The following CELF4 variants were observed in gnomAD, a reference collection of about 807,000 sequenced individuals.
CELF4 encodes CUG-BP- and ETR-3-like factor 4.
Under a neutral mutation model 59.9 loss-of-function variants are expected in CELF4, and 18 were observed. The ratio of observed to expected loss-of-function variants is 0.30; its 90% confidence interval spans 0.21 to 0.45. CELF4 has a LOEUF of 0.45. Among genes scored for constraint, CELF4 ranks in the 20% least tolerant of loss-of-function variants. The probability of loss-of-function intolerance (pLI) is 1.00; values close to 1 mark genes in which losing one functional copy is unlikely to be tolerated. For synonymous variants in CELF4, 261 were observed against 267.1 expected (o/e 0.98, Z 0.22); for missense variants, 456 against 689.0 (o/e 0.66, Z 3.79).
chr18:37,494,664 T>G (rs2154603613), intron 1 of CELF4, among the ~76,000 whole-genome samples: 1 of 152,244 alleles, frequency 6.6e-6, no homozygotes, highest in Admixed American at 6.5e-5. Context: ...CTCAGAAGCT[T>G]GAGACTGGGA....
chr18:37,453,030 C>G (rs1451255424), intron 2 of CELF4, among the ~76,000 whole-genome samples: 1 of 152,232 alleles, frequency 6.6e-6, no homozygotes, highest in Non-Finnish European at 1.5e-5. Context: ...GAGGCACCAC[C>G]CCCAGCTGCC....
chr18:37,371,837 C>A (rs1239109863), intron 2 of CELF4, among the ~76,000 whole-genome samples: 2 of 152,110 alleles, frequency 1.3e-5, no homozygotes, highest in Non-Finnish European at 2.9e-5. Flanking sequence ...ACTCAGGGGC[C>A]CAGGAAGAAC....
intron 2 of CELF4, among the ~76,000 whole-genome samples, chr18:37,361,986 G>C (rs544662053): frequency 6.4e-4 from 97 of 152,252 alleles, no homozygotes; most frequent in African/African-American, 2.2e-3. Context: ...CTGCTGGAGT[G>C]GGAAGCGGAC....
At chr18:37,535,091 C>T (rs768929602) in intron 1 of CELF4, among the ~76,000 whole-genome samples, 9 of 152,312 alleles carry the variant, frequency 5.9e-5, no homozygotes, top group Admixed American at 3.3e-4. Flanking sequence ...ACCTGGCTGC[C>T]GTGTGGCCTC....
At chr18:37,511,613 C>G (rs1392518743) in intron 1 of CELF4, among the ~76,000 whole-genome samples, 1 of 151,632 alleles carries the variant, frequency 6.6e-6, no homozygotes, top group Non-Finnish European at 1.5e-5. Context: ...GCTGTGAGCG[C>G]CAAACAGTGG....
intron 3 of CELF4, among the ~76,000 whole-genome samples, chr18:37,312,245 G>A (rs905927353): frequency 1.4e-5 from 2 of 146,904 alleles, no homozygotes; most frequent in African/African-American, 5.0e-5. Context: ...AAAAATGGCA[G>A]GGAATGTGGT....
At chr18:37,412,137 A>G (rs1261063568) in intron 2 of CELF4, among the ~76,000 whole-genome samples, 2 of 152,240 alleles carry the variant, frequency 1.3e-5, no homozygotes, top group African/African-American at 2.4e-5. Flanking sequence ...AAGTTTGCCA[A>G]AGATTCACAG....
intron 1 of CELF4, among the ~76,000 whole-genome samples, chr18:37,492,317 C>T (rs2099908552): frequency 6.6e-6 from 1 of 152,198 alleles, no homozygotes; most frequent in Non-Finnish European, 1.5e-5. Flanking sequence ...CCTGAAATCA[C>T]AGCCTGGGAG....
At chr18:37,479,506 C>T (rs1471128361) in intron 2 of CELF4, among the ~76,000 whole-genome samples, 1 of 152,172 alleles carries the variant, frequency 6.6e-6, no homozygotes, top group East Asian at 1.9e-4. Flanking sequence ...ATGTCCCCCG[C>T]AGGGCAAAAT....
At chr18:37,388,070 G>A (rs2099118410) in intron 2 of CELF4, among the ~76,000 whole-genome samples, 2 of 152,012 alleles carry the variant, frequency 1.3e-5, no homozygotes, top group Non-Finnish European at 2.9e-5. Flanking sequence ...GGAGGGGGGA[G>A]GGTACTGTAC....
At chr18:37,308,354 C>T (rs1211935740) in intron 3 of CELF4, among the ~76,000 whole-genome samples, 1 of 152,202 alleles carries the variant, frequency 6.6e-6, no homozygotes, top group Non-Finnish European at 1.5e-5. Context: ...GGCTTTAAGC[C>T]ATGGCTTCTG....
At chr18:37,451,205 A>G (rs1603641518) in intron 2 of CELF4, among the ~76,000 whole-genome samples, 1 of 152,026 alleles carries the variant, frequency 6.6e-6, no homozygotes, top group Admixed American at 6.5e-5. Flanking sequence ...GAGGAGGGGG[A>G]CACTGAGGAA....
chr18:37,317,393 A>AAAAAC (rs1483190812), intron 3 of CELF4, among the ~76,000 whole-genome samples: 3 of 152,050 alleles, frequency 2.0e-5, no homozygotes, highest in Non-Finnish European at 2.9e-5. Context: ...ATTTCATCTC[A>AAAAAC]AAAACAAAAC....
intron 2 of CELF4, among the ~76,000 whole-genome samples, chr18:37,435,565 T>G (rs1048416268): frequency 6.6e-6 from 1 of 152,160 alleles, no homozygotes; most frequent in East Asian, 1.9e-4. Flanking sequence ...CTGCCAGGTT[T>G]TGAACTTAAC....
At chr18:37,269,145 C>T (rs1002084475) in intron 8 of CELF4, among the ~76,000 whole-genome samples, 10 of 152,108 alleles carry the variant, frequency 6.6e-5, no homozygotes, top group African/African-American at 2.4e-4. Context: ...CTGGTGGGAT[C>T]TCTTCCACCC....
chr18:37,254,425 C>T lies in CELF4; in HGVS notation c.1334-487G>A, dbSNP rs1250035815. On this transcript the variant is annotated intron_variant, in intron 11 of 12. Coordinates refer to ENST00000420428, the MANE Select transcript of CELF4 (RefSeq NM_020180.4). The surrounding 1 kb of genome is among the most constrained non-coding windows in gnomAD (Gnocchi z 5.1). ...GTGCGAGGGGCCGGGAGGGAGGCGC[C>T]GCCGAGAAACTTCTCCACCGCCGGC... Among the ~76,000 whole-genome samples the T allele has an allele frequency of 6.6e-6, 1 of 151,890 alleles. No individual in the cohort carries two copies. Among genetic ancestry groups the T allele is most frequent in the Non-Finnish European group, 1.5e-5 (1 of 67,910 alleles).
chr18:37,287,197 G>C (rs1232372660), intron 3 of CELF4, among the ~76,000 whole-genome samples: 1 of 152,144 alleles, frequency 6.6e-6, no homozygotes, highest in Non-Finnish European at 1.5e-5. Flanking sequence ...GTTATTTAAA[G>C]CTTCTCAGGT....
intron 3 of CELF4, among the ~76,000 whole-genome samples, chr18:37,299,849 T>C (rs2095886058): frequency 6.6e-6 from 1 of 152,052 alleles, no homozygotes; most frequent in East Asian, 1.9e-4. Context: ...CCAGCCAGCA[T>C]GGTCCCCACC....
chr18:37,396,358 A>G (rs2099245110), intron 2 of CELF4, among the ~76,000 whole-genome samples: 1 of 152,236 alleles, frequency 6.6e-6, no homozygotes, highest in Non-Finnish European at 1.5e-5. Flanking sequence ...TGGGAGATCC[A>G]AATTCTTGTC....
Sources: allele counts gnomAD v4.1 joint callset (sites outside exome capture counted in the v4.1 genomes callset), GRCh38; gene constraint gnomAD v4.1.1; non-coding constraint Gnocchi (gnomAD v3.1); transcripts MANE v1.5; gene names NCBI Gene and HGNC (gene_info 2026-07-23, HGNC 2026-07-21).